LRP1B: variants seen among roughly 807,000 people sequenced by gnomAD.
LRP1B encodes the protein LDL receptor related protein 1B.
In LRP1B, 217 loss-of-function variants were observed where a neutral mutation model predicts 556.6. The observed-to-expected ratio is 0.39, with a 90% CI of 0.35 to 0.44. The LOEUF (loss-of-function observed/expected upper bound fraction) is 0.44. Among genes scored for constraint, LRP1B ranks in the 20% least tolerant of loss-of-function variants. LRP1B has a pLI of 1.00. For missense variants in LRP1B, 5,053 were observed against 5,620.8 expected, an observed-to-expected ratio of 0.90 and a Z score of 3.23; for synonymous variants, 2,047 against 1,865.8, an observed-to-expected ratio of 1.10 and a Z score of -2.50.
chr2:141,145,237 A>C (rs1356429668), intron 7 of LRP1B, among the ~76,000 whole-genome samples: 1 of 152,188 alleles, frequency 6.6e-6, no homozygotes, highest in African/African-American at 2.4e-5. Context: ...ACTTATAAGC[A>C]AATAATATTT....
rs549004981 is a variant in LRP1B, at chr2:141,471,465, G to A, written c.343+8931C>T. On this transcript the variant is annotated intron_variant, in intron 3 of 90. Coordinates refer to ENST00000389484, the MANE Select transcript of LRP1B (RefSeq NM_018557.3). The stretch of plus-strand genomic sequence containing the variant: ...CCTTACCCAATAACTTAGAGATCTT[G>A]AACATACAATACTTTATCCTGCACT... 5.9e-5 allele frequency among the ~76,000 whole-genome samples: 9 copies of A among 151,984 alleles called. 1 individual carries two copies. The South Asian group carries it at 1.9e-3, about 32-fold the overall frequency.
At chr2:140,312,289 A>G (rs553768315) in intron 83 of LRP1B, among the ~76,000 whole-genome samples, 1 of 152,076 alleles carries the variant, frequency 6.6e-6, no homozygotes, top group Admixed American at 6.6e-5. Context: ...CATAACTCCA[A>G]ACTTTAGGAG....
chr2:141,417,777 T>TTTC (rs35022179), intron 3 of LRP1B, among the ~76,000 whole-genome samples: 1 of 148,790 alleles, frequency 6.7e-6, no homozygotes, highest in Non-Finnish European at 1.5e-5. Flanking sequence ...TTTTTTTTTT[T>TTTC]ACAAATCTCC....
intron 2 of LRP1B, among the ~76,000 whole-genome samples, chr2:141,753,978 G>T (rs1694231029): frequency 6.6e-6 from 1 of 152,042 alleles, no homozygotes; most frequent in South Asian, 2.1e-4. Flanking sequence ...AATGGAAGAA[G>T]TCACTCTGAT....
intron 66 of LRP1B, among the ~76,000 whole-genome samples, chr2:140,416,889 C>T (rs1329609727): frequency 1.3e-5 from 2 of 152,132 alleles, no homozygotes; most frequent in African/African-American, 2.4e-5. Context: ...TTTGGAAAAC[C>T]CACAAGCTAA....
In LRP1B at chr2:141,187,854, AAG is replaced by A. The variant is rs555491503; in HGVS notation, c.1013+565_1013+566del. 7.8e-3 allele frequency among the ~76,000 whole-genome samples: 1,186 copies of A among 152,066 alleles called. 9 individuals are homozygous for A. The highest frequency in any genetic ancestry group is 0.037 in the Middle Eastern group (11 of 294). ...TGCAAAATTGGGAAGTTAAAAAAAA[AAG>A]AAGATGAATTCTGATGAGGAATTCA... On this transcript the variant is annotated intron_variant, in intron 7 of 90. Coordinates refer to ENST00000389484, the MANE Select transcript of LRP1B (RefSeq NM_018557.3).
At chr2:141,911,701 A>G (rs1391926011) in intron 1 of LRP1B, among the ~76,000 whole-genome samples, 1 of 152,140 alleles carries the variant, frequency 6.6e-6, no homozygotes, top group African/African-American at 2.4e-5. Context: ...GAGTGACATC[A>G]CTTAGATACA....
chr2:141,163,698 G>A (rs904379025), intron 7 of LRP1B, among the ~76,000 whole-genome samples: 12 of 151,890 alleles, frequency 7.9e-5, no homozygotes, highest in African/African-American at 1.7e-4. Flanking sequence ...TATTTGGCTC[G>A]CATTCTCTCG....
intron 84 of LRP1B, among the ~76,000 whole-genome samples, chr2:140,275,231 G>A (rs1682620625): frequency 6.6e-6 from 1 of 151,982 alleles, no homozygotes; most frequent in Non-Finnish European, 1.5e-5. Context: ...ACAAACCTGT[G>A]ATCAATTAAG....
chr2:140,922,864 TAA>T, intron 21 of LRP1B, 99 bp downstream of exon 21: 5 of 1,019,266 alleles, frequency 4.9e-6, no homozygotes, highest in Non-Finnish European at 7.2e-6. Flanking sequence ...GCCAAAAATA[TAA>T]GATTACTTTT....
chr2:141,598,980 A>T (rs1352037511), intron 2 of LRP1B, among the ~76,000 whole-genome samples: 2 of 150,436 alleles, frequency 1.3e-5, no homozygotes, highest in African/African-American at 4.9e-5. Context: ...GCCCTCTCAA[A>T]TACAAAAGGA....
At position 140,323,878 on chromosome 2, in the gene LRP1B, ATATAT is replaced by A. The variant is rs751748097; in HGVS notation, c.12514+10_12514+14del. 2.7e-5 allele frequency: 35 copies of A among 1,289,452 alleles called. No homozygotes were observed. In the East Asian group the frequency reaches 2.8e-4, roughly 10 times the overall value. The allele number at this position is 1,289,452 out of a possible 1,614,324, so 79.9% of individuals were successfully genotyped here. ...ATTTACCAATATAGACAACTTCATA[ATATAT>A]TATACTTACAATCTAGTTGTTTATA... On this transcript the variant is annotated intron_variant, in intron 81 of 90. Transcript: ENST00000389484.
intron 41 of LRP1B, among the ~76,000 whole-genome samples, chr2:140,612,696 C>A (rs921320595): frequency 1.3e-5 from 2 of 152,074 alleles, no homozygotes; most frequent in African/African-American, 2.4e-5. Flanking sequence ...CAATTAATTA[C>A]CATGCTCAGA....
At chr2:140,783,451 C>T (rs1380875247) in intron 32 of LRP1B, among the ~76,000 whole-genome samples, 4 of 152,076 alleles carry the variant, frequency 2.6e-5, no homozygotes, top group Middle Eastern at 3.2e-3. Flanking sequence ...TTTATCTCTT[C>T]TCTCTCCTGG....
chr2:141,078,979 T>A (rs1917701), intron 7 of LRP1B, among the ~76,000 whole-genome samples: 131,309 of 152,150 alleles, frequency 0.86, 57,084 homozygotes, highest in Non-Finnish European at 0.91. Context: ...AGGATCATGC[T>A]GATAAGTAAT....
intron 2 of LRP1B, among the ~76,000 whole-genome samples, chr2:141,653,832 G>T (rs538955201): frequency 7.6e-4 from 115 of 152,310 alleles, no homozygotes; most frequent in African/African-American, 2.7e-3. Context: ...CACATTTACA[G>T]AAGTTGTGGT....
At chr2:141,824,830 C>G (rs1696869737) in intron 1 of LRP1B, among the ~76,000 whole-genome samples, 1 of 151,998 alleles carries the variant, frequency 6.6e-6, no homozygotes, top group Non-Finnish European at 1.5e-5. Flanking sequence ...TGGCTGTGTC[C>G]CCACCCTAAT....
chr2:140,358,795 A>G (rs903148602), intron 73 of LRP1B, 26 bp downstream of exon 73: 1 of 1,603,674 alleles, frequency 6.2e-7, no homozygotes, highest in Non-Finnish European at 8.5e-7. Flanking sequence ...GCCATCACTG[A>G]ATTATTTCAC....
intron 7 of LRP1B, among the ~76,000 whole-genome samples, chr2:141,091,222 G>A (rs947068738): frequency 6.6e-6 from 1 of 152,096 alleles, no homozygotes; most frequent in Non-Finnish European, 1.5e-5. Context: ...GCCATTTGAA[G>A]GACTTTGGCT....
Sources: allele counts gnomAD v4.1 joint callset (sites outside exome capture counted in the v4.1 genomes callset), GRCh38; gene constraint gnomAD v4.1.1; transcripts MANE v1.5; gene names NCBI Gene and HGNC (gene_info 2026-07-23, HGNC 2026-07-21).